CTTNBP2: variants seen among roughly 807,000 people sequenced by gnomAD.
CTTNBP2 encodes cortactin binding protein 2.
CTTNBP2 carries 108 observed loss-of-function variants against 156.9 expected under a neutral mutation model. That is an observed-to-expected ratio of 0.69 (90% CI 0.59 to 0.81). The LOEUF (loss-of-function observed/expected upper bound fraction) is 0.81. CTTNBP2 is among the 30% of genes least tolerant of loss of function. The probability of loss-of-function intolerance (pLI) is 0.00; values close to 1 mark genes in which losing one functional copy is unlikely to be tolerated. For synonymous variants in CTTNBP2, 767 were observed against 751.8 expected, an observed-to-expected ratio of 1.02 and a Z score of -0.33; for missense variants, 1,924 against 2,035.4, an observed-to-expected ratio of 0.95 and a Z score of 1.05.
intron 10 of CTTNBP2, among the ~76,000 whole-genome samples, chr7:117,759,145 G>C (rs1313219816): frequency 6.6e-6 from 1 of 151,952 alleles, no homozygotes; most frequent in Non-Finnish European, 1.5e-5. Context: ...TGGGGTCTTT[G>C]TGGCTCAGGC....
At chr7:117,796,384 G>T (rs7777671) in intron 3 of CTTNBP2, among the ~76,000 whole-genome samples, 13,165 of 152,040 alleles carry the variant, frequency 0.087, 763 homozygotes, top group African/African-American at 0.16. Flanking sequence ...GTACTTAAGA[G>T]AATAAGAGAT....
chr7:117,790,920 C>T (rs557574002), intron 4 of CTTNBP2, among the ~76,000 whole-genome samples: 3 of 150,942 alleles, frequency 2.0e-5, no homozygotes, highest in East Asian at 2.0e-4. Flanking sequence ...CTTAGCATAG[C>T]GAAACCGCAA....
At chr7:117,800,553 A>G (rs1424238325) in intron 3 of CTTNBP2, among the ~76,000 whole-genome samples, 1 of 152,048 alleles carries the variant, frequency 6.6e-6, no homozygotes, top group East Asian at 1.9e-4. Flanking sequence ...CCAGGTTTTC[A>G]TTTTGGCCTT....
intron 1 of CTTNBP2, 108 bp downstream of exon 1, chr7:117,873,227 G>T: frequency 1.2e-6 from 1 of 848,208 alleles, no homozygotes; most frequent in Non-Finnish European, 1.6e-6. Flanking sequence ...GAGAGTCCCG[G>T]GCTTACGGAA....
intron 3 of CTTNBP2, among the ~76,000 whole-genome samples, chr7:117,805,768 A>C (rs1341601274): frequency 6.6e-6 from 1 of 152,202 alleles, no homozygotes; most frequent in Non-Finnish European, 1.5e-5. Flanking sequence ...GTATAACAGC[A>C]GTGAATGTGC....
At chr7:117,852,221 G>C (rs1053344779) in intron 2 of CTTNBP2, among the ~76,000 whole-genome samples, 1 of 150,070 alleles carries the variant, frequency 6.7e-6, no homozygotes, top group South Asian at 2.1e-4. Context: ...CCATACAACA[G>C]CCTTTCATGG....
rs1435701253 is a variant in CTTNBP2, at chr7:117,711,298, A to G, written c.*239T>C. The stretch of plus-strand genomic sequence containing the variant: ...ATTACAATTTTTCTATTATAAAACT[A>G]CTTGAAAAGTTGGCATAACTTCCTG... On this transcript the variant is annotated 3_prime_UTR_variant, in exon 23 of 23. Transcript: ENST00000160373. 1 of 432,468 alleles carries G rather than the reference A, an allele frequency of 2.3e-6. No individual in the cohort carries two copies. Among genetic ancestry groups the G allele is most frequent in the Non-Finnish European group, 4.1e-6 (1 of 243,064 alleles). 26.8% of individuals were successfully genotyped at this position (432,468 alleles called of 1,614,324 possible). A position where few individuals can be genotyped will look rare whatever the true frequency, so the allele number is the denominator to read the frequency against.
chr7:117,853,703 A>G (rs1291995127), intron 2 of CTTNBP2, among the ~76,000 whole-genome samples: 1 of 152,206 alleles, frequency 6.6e-6, no homozygotes, highest in Non-Finnish European at 1.5e-5. Context: ...CCCTGATTCT[A>G]TCCTGCACCA....
intron 2 of CTTNBP2, among the ~76,000 whole-genome samples, chr7:117,831,804 G>A (rs1202513213): frequency 6.6e-6 from 1 of 151,954 alleles, no homozygotes; most frequent in Non-Finnish European, 1.5e-5. Flanking sequence ...CTTCATGCTA[G>A]AGATCAGTTT....
intron 16 of CTTNBP2, among the ~76,000 whole-genome samples, chr7:117,732,242 A>C (rs1795441148): frequency 6.6e-6 from 1 of 152,156 alleles, no homozygotes; most frequent in Non-Finnish European, 1.5e-5. Context: ...ACATGACCTA[A>C]AGGGAGTAAT....
intron 22 of CTTNBP2, among the ~76,000 whole-genome samples, chr7:117,712,968 G>A (rs967098668): frequency 1.6e-4 from 24 of 152,190 alleles, no homozygotes; most frequent in Non-Finnish European, 3.2e-4. Flanking sequence ...ACAGCAGGAC[G>A]TGAGCGGGGG....
chr7:117,801,438 C>T (rs986022359), intron 3 of CTTNBP2, among the ~76,000 whole-genome samples: 1 of 152,172 alleles, frequency 6.6e-6, no homozygotes, highest in East Asian at 1.9e-4. Context: ...GATTGAAGAG[C>T]TGTTGCAGCT....
At chr7:117,737,194 A>G (rs1315680792) in intron 14 of CTTNBP2, among the ~76,000 whole-genome samples, 2 of 152,208 alleles carry the variant, frequency 1.3e-5, no homozygotes, top group Admixed American at 1.3e-4. Context: ...CTAAAATTCT[A>G]TGTTTCTTTG....
chr7:117,788,626 G>T (rs1239237784), intron 4 of CTTNBP2, among the ~76,000 whole-genome samples: 2 of 152,124 alleles, frequency 1.3e-5, no homozygotes, highest in Non-Finnish European at 2.9e-5. Context: ...GGCGAAAATA[G>T]GGGCAATCTA....
intron 2 of CTTNBP2, among the ~76,000 whole-genome samples, chr7:117,852,760 T>C (rs993486087): frequency 6.6e-6 from 1 of 152,230 alleles, no homozygotes; most frequent in Non-Finnish European, 1.5e-5. Context: ...TCAATTTCTA[T>C]GCAGCTTTTG....
At chr7:117,724,285 A>C in intron 19 of CTTNBP2, among the ~76,000 whole-genome samples, 1 of 152,204 alleles carries the variant, frequency 6.6e-6, no homozygotes, top group East Asian at 1.9e-4. Flanking sequence ...AGAGAAACAA[A>C]ATAATAAATA....
chr7:117,802,914 G>T (rs1026738421), intron 3 of CTTNBP2, among the ~76,000 whole-genome samples: 1 of 152,232 alleles, frequency 6.6e-6, no homozygotes, highest in African/African-American at 2.4e-5. Flanking sequence ...GAGAAAAGAG[G>T]ACACTTATAC....
chr7:117,779,260 C>T (rs1798271129), intron 7 of CTTNBP2, among the ~76,000 whole-genome samples: 1 of 152,100 alleles, frequency 6.6e-6, no homozygotes, highest in African/African-American at 2.4e-5. Context: ...TTTGACCTTT[C>T]CCAATTTATA....
rs1797152140 is a variant in CTTNBP2 at position 117,760,558 on chromosome 7, G to C, written c.3049C>G (p.Leu1017Val). 6.2e-7 allele frequency: 1 copy of C among 1,614,132 alleles called. No homozygotes were observed. The highest frequency in any genetic ancestry group is 1.3e-5 in the African/African-American group (1 of 75,044). The change falls in exon 10 of 23, where the codon CTG becomes GTG. Residue 1017 changes from leucine to valine, a missense_variant. Coordinates refer to ENST00000160373, the MANE Select transcript of CTTNBP2 (RefSeq NM_033427.3). ...GAGATTGCCTGGAAATGATTTGTCA[G>C]AGCTTGACTCACTGCTTTTGAAAAA... The part of the protein sequence containing the change: ...DDFSKAVSQA[L>V]TNHFQAISSD...
Sources: allele counts gnomAD v4.1 joint callset (sites outside exome capture counted in the v4.1 genomes callset), GRCh38; gene constraint gnomAD v4.1.1; transcripts MANE v1.5; gene names NCBI Gene and HGNC (gene_info 2026-07-23, HGNC 2026-07-21).